CNTN5: variants seen among roughly 807,000 people sequenced by gnomAD.
CNTN5 encodes contactin-5.
A neutral mutation model predicts 129.1 loss-of-function variants in CNTN5; 77 were observed. The observed-to-expected ratio is 0.60, with a 90% CI of 0.50 to 0.72. CNTN5 has a LOEUF of 0.72. CNTN5 is among the 30% of genes least tolerant of loss of function. CNTN5 has a pLI of 0.00. For synonymous variants in CNTN5, 509 were observed against 465.6 expected (o/e 1.09, Z -1.20); for missense variants, 1,478 against 1,328.8 (o/e 1.11, Z -1.75).
intron 11 of CNTN5, 138 bp downstream of exon 11, chr11:100,070,698 G>A: frequency 1.6e-6 from 1 of 638,370 alleles, no homozygotes; most frequent in Non-Finnish European, 2.7e-6. Flanking sequence ...TGTTAAGGAT[G>A]AATGTTACGG....
At chr11:99,584,576 G>T (rs1197247038) in intron 3 of CNTN5, among the ~76,000 whole-genome samples, 1 of 152,220 alleles carries the variant, frequency 6.6e-6, no homozygotes, top group East Asian at 1.9e-4. Flanking sequence ...ATTAAATCTT[G>T]TCTCACTCAA....
rs536209824 is a variant in CNTN5, at chr11:99,102,556, C to G, written c.-210+81286C>G. 2.0e-5 allele frequency among the ~76,000 whole-genome samples: 3 copies of G among 152,246 alleles called. No individual in the cohort carries two copies. In the South Asian group the frequency reaches 6.2e-4, roughly 32 times the overall value. ...AATAATCTCCCTCAGGCTCAAAGTT[C>G]CACAGATCTCTAGGGCAGGGGCAAA... On this transcript the variant is annotated intron_variant, in intron 1 of 24. Coordinates refer to ENST00000524871, the MANE Select transcript of CNTN5 (RefSeq NM_014361.4).
chr11:99,721,552 C>T (rs1943173684), intron 3 of CNTN5, among the ~76,000 whole-genome samples: 1 of 152,064 alleles, frequency 6.6e-6, no homozygotes, highest in South Asian at 2.1e-4. Context: ...CTAGGCAGTA[C>T]CATCCTGGGC....
intron 23 of CNTN5, among the ~76,000 whole-genome samples, chr11:100,344,996 C>T (rs955248340): frequency 2.0e-5 from 3 of 152,032 alleles, no homozygotes; most frequent in Admixed American, 6.6e-5. Flanking sequence ...TAATTGTAAT[C>T]TTGAAAAGTA....
rs34529490 is a variant in CNTN5, at chr11:99,305,980, C to CA, written c.-209-19356dup. ...TGGGTGACACAGTGAAACTCCGCCT[C>CA]AAAAAAAAAAGAAAAAAAATAGTTT... On this transcript the variant is annotated intron_variant, in intron 1 of 24. Coordinates refer to ENST00000524871, the MANE Select transcript of CNTN5 (RefSeq NM_014361.4). Among the ~76,000 whole-genome samples the CA allele has an allele frequency of 4.8e-3, 658 of 136,116 alleles. 2 individuals carry two copies. The highest frequency in any genetic ancestry group is 0.011 in the African/African-American group (415 of 36,716). 89.3% of individuals were successfully genotyped at this position (136,116 alleles called of 152,430 possible). A position where few individuals can be genotyped will look rare whatever the true frequency, so the allele number is the denominator to read the frequency against.
intron 18 of CNTN5, 107 bp from the exon 19 acceptor site, chr11:100,297,517 TA>T (rs893939088): frequency 1.6e-5 from 13 of 798,006 alleles, no homozygotes; most frequent in Non-Finnish European, 2.6e-5. Context: ...TTTTAATCTT[TA>T]ATATGACCAT....
chr11:99,284,600 GGTGTGTGTGTGTGTGTGTGTGTGTGT>G (rs71046675), intron 1 of CNTN5, among the ~76,000 whole-genome samples: 13,083 of 124,810 alleles, frequency 0.1, 683 homozygotes, highest in South Asian at 0.14. Context: ...AGAGATGAGT[GGTGTGTGTGTGTGTGTGTGTGTGTGT>G]GTGTGTGTGT....
intron 3 of CNTN5, among the ~76,000 whole-genome samples, chr11:99,716,152 CTTTAG>C (rs1955211536): frequency 6.6e-6 from 1 of 151,866 alleles, no homozygotes; most frequent in Non-Finnish European, 1.5e-5. Context: ...TTTGTTCTTT[CTTTAG>C]TTGTGAACTC....
At chr11:99,608,009 A>G (rs1233303719) in intron 3 of CNTN5, among the ~76,000 whole-genome samples, 2 of 139,636 alleles carry the variant, frequency 1.4e-5, no homozygotes, top group African/African-American at 2.7e-5. Context: ...TAGATGACAC[A>G]TTAGTGGGTG....
chr11:100,254,854 G>A (rs560197597), intron 16 of CNTN5, among the ~76,000 whole-genome samples: 3 of 152,106 alleles, frequency 2.0e-5, no homozygotes, highest in Non-Finnish European at 2.9e-5. Context: ...AAACATTATT[G>A]TGACTTTAAT....
intron 18 of CNTN5, among the ~76,000 whole-genome samples, chr11:100,274,943 T>C (rs1448047475): frequency 2.0e-5 from 3 of 152,226 alleles, no homozygotes; most frequent in Non-Finnish European, 4.4e-5. Context: ...CAAACCCCCA[T>C]GTCACAAGTT....
intron 2 of CNTN5, among the ~76,000 whole-genome samples, chr11:99,414,206 G>A (rs1174337874): frequency 6.6e-6 from 1 of 152,078 alleles, no homozygotes; most frequent in Non-Finnish European, 1.5e-5. Flanking sequence ...CTGAACAAAC[G>A]CTGAGAAAAT....
chr11:99,903,869 G>T (rs1949422987), intron 6 of CNTN5, among the ~76,000 whole-genome samples: 1 of 152,044 alleles, frequency 6.6e-6, no homozygotes. Flanking sequence ...GAGCTGAATA[G>T]ATACCTATCA....
At chr11:99,426,749 A>G (rs1943139447) in intron 2 of CNTN5, among the ~76,000 whole-genome samples, 1 of 152,174 alleles carries the variant, frequency 6.6e-6, no homozygotes, top group Middle Eastern at 3.4e-3. Flanking sequence ...GAATAGTTCT[A>G]ATTTGTGGCC....
chr11:100,114,731 C>T (rs7926977), intron 13 of CNTN5, among the ~76,000 whole-genome samples: 120,929 of 151,948 alleles, frequency 0.8, 48,950 homozygotes, highest in East Asian at 1. Flanking sequence ...TTTCCCCATT[C>T]AACAAATCTC....
intron 15 of CNTN5, among the ~76,000 whole-genome samples, chr11:100,210,438 A>G (rs1181934266): frequency 2.0e-5 from 3 of 151,742 alleles, no homozygotes; most frequent in Admixed American, 6.6e-5. Context: ...TATAGATTAT[A>G]TGGGTGGCTT....
At chr11:99,120,646 G>T (rs981882362) in intron 1 of CNTN5, among the ~76,000 whole-genome samples, 1 of 152,058 alleles carries the variant, frequency 6.6e-6, no homozygotes, top group Non-Finnish European at 1.5e-5. Flanking sequence ...TCTATGTCCC[G>T]TTATCTCTGA....
intron 3 of CNTN5, among the ~76,000 whole-genome samples, chr11:99,563,421 A>G (rs1290632753): frequency 4.6e-5 from 7 of 152,160 alleles, no homozygotes; most frequent in African/African-American, 1.7e-4. Context: ...GTGTCTTTCC[A>G]TTTGTGGATA....
At chr11:99,331,628 T>C (rs1565496906) in intron 2 of CNTN5, among the ~76,000 whole-genome samples, 1 of 152,178 alleles carries the variant, frequency 6.6e-6, no homozygotes. Context: ...TATTTAGCAA[T>C]CATTACTTTT....
Sources: allele counts gnomAD v4.1 joint callset (sites outside exome capture counted in the v4.1 genomes callset), GRCh38; gene constraint gnomAD v4.1.1; transcripts MANE v1.5; gene names NCBI Gene and HGNC (gene_info 2026-07-23, HGNC 2026-07-21).